Variants in CPVL observed in about 807,000 individuals in gnomAD.
CPVL encodes the protein carboxypeptidase vitellogenic like, also known as probable serine carboxypeptidase CPVL.
CPVL carries 51 observed loss-of-function variants against 63.7 expected under a neutral mutation model. That is an observed-to-expected ratio of 0.80 (90% CI 0.64 to 1.01). CPVL has a LOEUF of 1.01. Among genes scored for constraint, CPVL ranks in the 50% least tolerant of loss-of-function variants. CPVL has a pLI of 0.00. For missense variants in CPVL, 530 were observed against 573.1 expected (o/e 0.92, Z 0.77); for synonymous variants, 195 against 206.0 (o/e 0.95, Z 0.46).
chr7:29,162,398 A>C (rs1255040113), intron 5 of CPVL, among the ~76,000 whole-genome samples: 4 of 152,202 alleles, frequency 2.6e-5, no homozygotes, highest in Non-Finnish European at 5.9e-5. Flanking sequence ...GTGGTGGCTC[A>C]CACCTGTAAT....
chr7:29,057,006 G>A (rs1368964315), intron 11 of CPVL, among the ~76,000 whole-genome samples: 1 of 138,992 alleles, frequency 7.2e-6, no homozygotes, highest in African/African-American at 2.7e-5. Flanking sequence ...GCTAGAGTAC[G>A]GTGGCACAGT....
chr7:29,056,092 T>C (rs946212420), intron 11 of CPVL, among the ~76,000 whole-genome samples: 2 of 152,186 alleles, frequency 1.3e-5, no homozygotes, highest in Non-Finnish European at 2.9e-5. Flanking sequence ...AGAGTTCCCA[T>C]GCACCCCTTA....
chr7:29,159,850 T>C (rs1794939381), intron 5 of CPVL, among the ~76,000 whole-genome samples: 1 of 152,202 alleles, frequency 6.6e-6, no homozygotes, highest in Non-Finnish European at 1.5e-5. Flanking sequence ...TTGTCTCAAC[T>C]AGTGTAATGC....
chr7:29,177,389 G>T (rs900858162), intron 5 of CPVL, among the ~76,000 whole-genome samples: 2 of 151,984 alleles, frequency 1.3e-5, no homozygotes. Flanking sequence ...GAGTAGCTGG[G>T]ATTACAGGTG....
intron 12 of CPVL, among the ~76,000 whole-genome samples, chr7:29,005,219 A>G (rs1192831770): frequency 6.6e-6 from 1 of 152,068 alleles, no homozygotes; most frequent in Non-Finnish European, 1.5e-5. Context: ...AGTTTGTACC[A>G]TGTGCCAGTG....
At chr7:29,053,961 G>C (rs892318546) in intron 11 of CPVL, among the ~76,000 whole-genome samples, 1 of 151,786 alleles carries the variant, frequency 6.6e-6, no homozygotes, top group Non-Finnish European at 1.5e-5. Context: ...TATAGTCCCA[G>C]CTACTTGGGG....
chr7:29,119,485 C>CAAAAAAAAAAAAAAAAAAAAA (rs372819031), intron 2 of CPVL, among the ~76,000 whole-genome samples: 1 of 101,384 alleles, frequency 9.9e-6, no homozygotes. Flanking sequence ...GATTCTGTCT[C>CAAAAAAAAAAAAAAAAAAAAA]AAAAAAAAAA....
At chr7:29,144,830 T>A (rs1231361862) in intron 1 of CPVL, among the ~76,000 whole-genome samples, 3 of 152,190 alleles carry the variant, frequency 2.0e-5, no homozygotes, top group Non-Finnish European at 2.9e-5. Flanking sequence ...GTGGACTTTC[T>A]TAACACTCTT....
chr7:29,039,503 C>T (rs565826535), intron 11 of CPVL, among the ~76,000 whole-genome samples: 11 of 152,156 alleles, frequency 7.2e-5, no homozygotes, highest in African/African-American at 2.7e-4. Context: ...GAAAAAAGAA[C>T]TCTGTGCTTT....
intron 3 of CPVL, among the ~76,000 whole-genome samples, chr7:29,104,312 A>C (rs777371943): frequency 5.3e-5 from 8 of 152,172 alleles, no homozygotes; most frequent in Non-Finnish European, 1.0e-4. Context: ...CCCAGGCTGG[A>C]GTGCAATGGC....
intron 11 of CPVL, among the ~76,000 whole-genome samples, chr7:29,052,414 A>G (rs1790269852): frequency 1.4e-5 from 2 of 145,816 alleles, no homozygotes; most frequent in South Asian, 2.3e-4. Context: ...TTTTAACTTG[A>G]CTAAAATGAA....
chr7:29,169,027 G>T (rs183822341), intron 5 of CPVL, among the ~76,000 whole-genome samples: 294 of 152,224 alleles, frequency 1.9e-3, no homozygotes, highest in African/African-American at 6.5e-3. Context: ...TGAGGAAAAT[G>T]GACTCAAATT....
intron 11 of CPVL, among the ~76,000 whole-genome samples, chr7:29,051,801 A>T (rs1359699424): frequency 2.6e-5 from 4 of 152,076 alleles, no homozygotes; most frequent in Non-Finnish European, 5.9e-5. Context: ...ACAGGTTTAT[A>T]GCAGCACAAC....
At position 29,030,664 on chromosome 7, in the gene CPVL, G is replaced by C; in HGVS notation, c.1233C>G (p.Tyr411Ter). The stretch of plus-strand genomic sequence containing the variant: ...TCCAAACTTTTTTTTCTGCCTTCTT[G>C]TATTCCTGGGATCCTTTCCAGTCCA... ...MGMDWKGSQEYKKAEKKVWKI... is the reference protein window; with the variant it reads ...MGMDWKGSQE Residue 411 changes from tyrosine to a stop codon, truncating the protein, a stop_gained, in exon 12 of 13, where the codon TAC becomes TAG. Transcript: ENST00000265394. LOFTEE classifies it high-confidence loss of function. 1 of 1,613,480 alleles carries C rather than the reference G, an allele frequency of 6.2e-7. No individual in the cohort carries two copies. Among genetic ancestry groups the C allele is most frequent in the South Asian group, 1.1e-5 (1 of 90,972 alleles).
chr7:29,114,841 A>G (rs1788621520), intron 2 of CPVL, among the ~76,000 whole-genome samples: 1 of 152,122 alleles, frequency 6.6e-6, no homozygotes, highest in African/African-American at 2.4e-5. Context: ...TAAAATCTAT[A>G]TAAAGAAGCT....
intron 1 of CPVL, among the ~76,000 whole-genome samples, chr7:29,188,827 A>G (rs1038591625): frequency 6.6e-6 from 1 of 152,248 alleles, no homozygotes; most frequent in East Asian, 1.9e-4. Flanking sequence ...ATAATTCCCA[A>G]ACAGAAATCA....
chr7:29,144,397 C>T (rs1047564683), intron 1 of CPVL, among the ~76,000 whole-genome samples: 21 of 152,072 alleles, frequency 1.4e-4, no homozygotes, highest in African/African-American at 4.3e-4. Context: ...CCCATCTCTA[C>T]CAAAGATACA....
chr7:29,103,411 A>ATTTTTTTTTTTTTTTT (rs551627609), intron 3 of CPVL, among the ~76,000 whole-genome samples: 39 of 134,782 alleles, frequency 2.9e-4, no homozygotes, highest in African/African-American at 3.7e-4. Flanking sequence ...ATGCTCAGCT[A>ATTTTTTTTTTTTTTTT]TTTTTTTTTT....
At chr7:28,998,984 TC>T (rs1784351625) in intron 12 of CPVL, among the ~76,000 whole-genome samples, 1 of 151,850 alleles carries the variant, frequency 6.6e-6, no homozygotes, top group South Asian at 2.1e-4. Context: ...GGTGGGCGGA[TC>T]ATTTGAGGTC....
Sources: gnomAD v4.1 joint callset for allele counts (sites outside exome capture counted in the v4.1 genomes callset) on GRCh38, gnomAD v4.1.1 for gene constraint, MANE v1.5 for transcripts, NCBI Gene and HGNC (gene_info 2026-07-23, HGNC 2026-07-21) for gene names.